The following CFAP61 variants were observed in gnomAD, a reference collection of about 807,000 sequenced individuals.
CFAP61 encodes cilia- and flagella-associated protein 61.
A neutral mutation model predicts 135.6 loss-of-function variants in CFAP61; 107 were observed. The observed-to-expected ratio is 0.79, with a 90% CI of 0.67 to 0.93. CFAP61 has a LOEUF of 0.93. CFAP61 is among the 40% of genes least tolerant of loss of function. The probability of loss-of-function intolerance (pLI) is 0.00; values close to 1 mark genes in which losing one functional copy is unlikely to be tolerated. For synonymous variants in CFAP61, 575 were observed against 578.5 expected, an observed-to-expected ratio of 0.99 and a Z score of 0.09; for missense variants, 1,507 against 1,556.2, an observed-to-expected ratio of 0.97 and a Z score of 0.53.
At chr20:20,121,485 G>T (rs915670321) in intron 8 of CFAP61, among the ~76,000 whole-genome samples, 1 of 150,202 alleles carries the variant, frequency 6.7e-6, no homozygotes, top group African/African-American at 2.4e-5. Context: ...TTTATTTTTA[G>T]TTTTTAAAAT....
chr20:20,288,707 C>T lies in CFAP61; in HGVS notation c.2895C>T (p.Thr965=). The change falls in exon 23 of 27, where the codon ACC becomes ACT. Residue 965 remains threonine (T), a synonymous_variant. Transcript: ENST00000245957. ...ATGACAGTCGACTTGTGATTGATAC[C>T]AACTTCCACACCAACGACATAGCCA... ...LVYDSRLVID[T]NFHTNDIAIR... 6.2e-7 allele frequency: 1 copy of T among 1,613,972 alleles called. No individual in the cohort carries two copies. Among genetic ancestry groups the T allele is most frequent in the Non-Finnish European group, 8.5e-7 (1 of 1,179,866 alleles).
chr20:20,330,437 G>A (rs554715332), intron 25 of CFAP61, among the ~76,000 whole-genome samples: 37 of 152,200 alleles, frequency 2.4e-4, no homozygotes, highest in African/African-American at 8.9e-4. Flanking sequence ...CCAGGCTCCA[G>A]TGATCCTCCC....
chr20:20,084,150 T>C (rs1024432905), intron 6 of CFAP61, among the ~76,000 whole-genome samples: 4 of 152,234 alleles, frequency 2.6e-5, no homozygotes, highest in African/African-American at 9.6e-5. Flanking sequence ...TAGAACACAC[T>C]GCATTCTCTA....
At chr20:20,290,870 T>G (rs7263108) in intron 24 of CFAP61, among the ~76,000 whole-genome samples, 3 of 152,068 alleles carry the variant, frequency 2.0e-5, no homozygotes, top group Non-Finnish European at 2.9e-5. Flanking sequence ...CCAGCCAACA[T>G]CTTGACTGAA....
At chr20:20,294,813 A>G (rs1230724203) in intron 24 of CFAP61, among the ~76,000 whole-genome samples, 2 of 151,172 alleles carry the variant, frequency 1.3e-5, no homozygotes, top group Non-Finnish European at 3.0e-5. Context: ...CTGTAGTCCC[A>G]GCTACTCGGG....
intron 17 of CFAP61, among the ~76,000 whole-genome samples, chr20:20,209,705 G>T (rs1184565957): frequency 6.6e-6 from 1 of 152,140 alleles, no homozygotes; most frequent in Admixed American, 6.5e-5. Flanking sequence ...TTTACATTGA[G>T]TCCATTTGGG....
chr20:20,283,363 G>GGTC (rs2054339924), intron 22 of CFAP61, among the ~76,000 whole-genome samples: 1 of 152,012 alleles, frequency 6.6e-6, no homozygotes, highest in Non-Finnish European at 1.5e-5. Flanking sequence ...ATACTAATAT[G>GGTC]ACCATTCCAT....
chr20:20,096,386 T>A (rs191396189), intron 7 of CFAP61, among the ~76,000 whole-genome samples: 413 of 152,366 alleles, frequency 2.7e-3, no homozygotes, highest in Non-Finnish European at 3.2e-3. Context: ...GAACGTTAAA[T>A]CTTTGTTCCT....
intron 9 of CFAP61, 118 bp from the exon 10 acceptor site, chr20:20,159,252 C>T: frequency 1.2e-6 from 1 of 855,518 alleles, no homozygotes; most frequent in South Asian, 1.5e-5. Flanking sequence ...TTCCCAATGC[C>T]ACAAGGCCAG....
rs557472456 is a variant in CFAP61 at position 20,346,410 on chromosome 20, C to T, written c.3513+4489C>T. On this transcript the variant is annotated intron_variant, in intron 26 of 26. Coordinates refer to ENST00000245957, the MANE Select transcript of CFAP61 (RefSeq NM_015585.4). The stretch of plus-strand genomic sequence containing the variant: ...GTGGGCGGCTGTAGTCCCAGCTACC[C>T]GGGAGGCTGAGGTAGGAGATTTGCT... Among the ~76,000 whole-genome samples, 32 of 149,492 alleles carry T rather than the reference C, an allele frequency of 2.1e-4. No homozygotes were observed. The South Asian group carries it at 4.5e-3, about 21-fold the overall frequency.
At chr20:20,129,441 G>T (rs1269865512) in intron 8 of CFAP61, among the ~76,000 whole-genome samples, 1 of 151,766 alleles carries the variant, frequency 6.6e-6, no homozygotes, top group Non-Finnish European at 1.5e-5. Context: ...GTTGCCAGAT[G>T]AATTGGAGCT....
rs879817698 is a variant in CFAP61 at position 20,086,148 on chromosome 20, C to CTT, written c.567-4685_567-4684dup. Among the ~76,000 whole-genome samples, 1,387 of 142,566 alleles carry CTT rather than the reference C, an allele frequency of 9.7e-3. 27 individuals carry two copies. Among genetic ancestry groups the CTT allele is most frequent in the African/African-American group, 0.034 (1,306 of 38,454 alleles). 93.5% of individuals were successfully genotyped at this position (142,566 alleles called of 152,430 possible). A position where few individuals can be genotyped will look rare whatever the true frequency, so the allele number is the denominator to read the frequency against. On this transcript the variant is annotated intron_variant, in intron 6 of 26. Coordinates refer to ENST00000245957, the MANE Select transcript of CFAP61 (RefSeq NM_015585.4). Reference sequence around the variant, plus strand: ...AGCATTGAAGTGACTTTGCCAGTTTCTTTTTTTTTTTTCTTTCAAATTTTA... The same window carrying CTT: ...AGCATTGAAGTGACTTTGCCAGTTTCTTTTTTTTTTTTTTCTTTCAAATTTTA...
chr20:20,143,954 G>A (rs1181504068), intron 9 of CFAP61, among the ~76,000 whole-genome samples: 2 of 152,202 alleles, frequency 1.3e-5, no homozygotes, highest in Admixed American at 1.3e-4. Context: ...GTTAGGAATA[G>A]TGCCTGTTCT....
At chr20:20,234,738 G>A (rs1326034609) in intron 18 of CFAP61, among the ~76,000 whole-genome samples, 1 of 152,104 alleles carries the variant, frequency 6.6e-6, no homozygotes, top group Non-Finnish European at 1.5e-5. Flanking sequence ...TGGGGGTAGG[G>A]CCAGGCTCTG....
intron 18 of CFAP61, among the ~76,000 whole-genome samples, chr20:20,241,238 A>G (rs887619025): frequency 2.6e-4 from 39 of 152,150 alleles, no homozygotes; most frequent in Non-Finnish European, 5.9e-5. Context: ...TTTCTTTATG[A>G]CATAGGAGAT....
intron 6 of CFAP61, among the ~76,000 whole-genome samples, chr20:20,090,232 TC>T (rs2047086131): frequency 6.6e-6 from 1 of 152,222 alleles, no homozygotes; most frequent in South Asian, 2.1e-4. Flanking sequence ...CAACATAGCT[TC>T]TTCCCTTTCT....
intron 17 of CFAP61, among the ~76,000 whole-genome samples, chr20:20,222,900 T>G (rs1405001933): frequency 1.3e-5 from 2 of 152,142 alleles, no homozygotes; most frequent in East Asian, 3.8e-4. Context: ...AAAAGAGAGA[T>G]AGAGAAGCAT....
chr20:20,105,671 G>A lies in CFAP61; in HGVS notation c.859+6857G>A, dbSNP rs539509445. ...TTTTGAGACGGAGTCTCGCTCTGTCGCCCAGGCTGGAGTGCAGTGGTGCAA... is the reference window on the plus strand; with the variant it reads ...TTTTGAGACGGAGTCTCGCTCTGTCACCCAGGCTGGAGTGCAGTGGTGCAA... On this transcript the variant is annotated intron_variant, in intron 8 of 26. Coordinates refer to ENST00000245957, the MANE Select transcript of CFAP61 (RefSeq NM_015585.4). Among the ~76,000 whole-genome samples the A allele has an allele frequency of 8.9e-4, 135 of 151,726 alleles. 1 individual carries two copies. Among genetic ancestry groups the A allele is most frequent in the South Asian group, 2.1e-4 (1 of 4,782 alleles).
intron 25 of CFAP61, among the ~76,000 whole-genome samples, chr20:20,315,840 A>G (rs2057101708): frequency 1.3e-5 from 2 of 152,162 alleles, no homozygotes; most frequent in Non-Finnish European, 2.9e-5. Context: ...GAAAGATCAG[A>G]TAGTTGTAGA....
Sources: gnomAD v4.1 joint callset for allele counts (sites outside exome capture counted in the v4.1 genomes callset) on GRCh38, gnomAD v4.1.1 for gene constraint, MANE v1.5 for transcripts, NCBI Gene and HGNC (gene_info 2026-07-23, HGNC 2026-07-21) for gene names.